The following TUT4 variants were observed in gnomAD, a reference collection of about 807,000 sequenced individuals.
The protein encoded by TUT4 is terminal uridylyltransferase 4.
TUT4 carries 36 observed loss-of-function variants against 192.2 expected under a neutral mutation model. That is an observed-to-expected ratio of 0.19 (90% CI 0.14 to 0.25). The LOEUF (loss-of-function observed/expected upper bound fraction) is 0.25, where lower values mean the gene tolerates loss of function less well. Among genes scored for constraint, TUT4 ranks in the 10% least tolerant of loss-of-function variants. TUT4 has a pLI of 1.00. For synonymous variants in TUT4, 618 were observed against 666.0 expected (o/e 0.93, Z 1.11); for missense variants, 1,493 against 1,957.2 (o/e 0.76, Z 4.47).
At chr1:52,493,449 A>G (rs1429924178) in intron 7 of TUT4, among the ~76,000 whole-genome samples, 162 bp downstream of exon 7, 1 of 151,916 alleles carries the variant, frequency 6.6e-6, no homozygotes, top group African/African-American at 2.4e-5. Flanking sequence ...ATTTTCTAGT[A>G]TATCTATAAA....
In TUT4 at chr1:52,481,933, G is replaced by C. The variant is rs904183930; in HGVS notation, c.1516-10C>G. The C allele has an allele frequency of 6.7e-6, 10 of 1,490,728 alleles. No individual in the cohort carries two copies. The South Asian group carries it at 1.2e-4, about 18-fold the overall frequency. 92.3% of individuals were successfully genotyped at this position (1,490,728 alleles called of 1,614,324 possible). ...AGTCAATATAGCACAACTGCAAAAT[G>C]AAGGGGAAAAAAGTACTACCATTTA... On this transcript the variant is annotated splice_polypyrimidine_tract_variant and intron_variant, in intron 9 of 29. Transcript: ENST00000257177.
At chr1:52,439,261 CA>C in intron 24 of TUT4, among the ~76,000 whole-genome samples, 1 of 151,622 alleles carries the variant, frequency 6.6e-6, no homozygotes, top group Non-Finnish European at 1.5e-5. Context: ...TTAACAACAA[CA>C]AAAAAAGCAA....
chr1:52,531,367 C>A (rs1326713166), intron 1 of TUT4, among the ~76,000 whole-genome samples: 1 of 151,936 alleles, frequency 6.6e-6, no homozygotes, highest in Admixed American at 6.6e-5. Context: ...GGGGGCCACA[C>A]TTAATGAACC....
chr1:52,503,361 T>A (rs997075953), intron 4 of TUT4, among the ~76,000 whole-genome samples: 7 of 152,124 alleles, frequency 4.6e-5, no homozygotes, highest in Non-Finnish European at 7.3e-5. Context: ...TGATAAGAAC[T>A]TTACTCTGCC....
chr1:52,522,077 T>C (rs1388165925), intron 2 of TUT4, among the ~76,000 whole-genome samples: 2 of 151,956 alleles, frequency 1.3e-5, no homozygotes, highest in East Asian at 3.9e-4. Flanking sequence ...TGTTTTCATA[T>C]GGGAAAAAAA....
At chr1:52,466,884 C>T (rs1317574434) in intron 15 of TUT4, among the ~76,000 whole-genome samples, 1 of 151,928 alleles carries the variant, frequency 6.6e-6, no homozygotes, top group Non-Finnish European at 1.5e-5. Flanking sequence ...CCAGACTCGT[C>T]TCGAACTCCT....
intron 2 of TUT4, among the ~76,000 whole-genome samples, chr1:52,524,394 G>A (rs1321929786): frequency 6.6e-6 from 1 of 151,988 alleles, no homozygotes; most frequent in African/African-American, 2.4e-5. Flanking sequence ...TTGGTGGCAG[G>A]CGCCTGTACT....
Position 52,435,348 on chromosome 1 carries a change from A to T in TUT4, c.4263+17T>A. 6.2e-7 allele frequency: 1 copy of T among 1,601,238 alleles called. No homozygotes were observed. The highest frequency in any genetic ancestry group is 8.6e-7 in the Non-Finnish European group (1 of 1,169,472). On this transcript the variant is annotated intron_variant, in intron 27 of 29. Coordinates refer to ENST00000257177, the MANE Select transcript of TUT4 (RefSeq NM_001009881.3). ...ATCATCAGTCAAGACTAACACATTC[A>T]CAGGCAGAGTACTTACACATTCTGA...
chr1:52,483,956 C>A (rs1669137191), intron 9 of TUT4, among the ~76,000 whole-genome samples: 1 of 152,060 alleles, frequency 6.6e-6, no homozygotes, highest in South Asian at 2.1e-4. Flanking sequence ...CCAGCCCAGA[C>A]AACATAGCAA....
In TUT4 at chr1:52,530,215, C is replaced by A. The variant is rs976738735; in HGVS notation, c.-93-3842G>T. On this transcript the variant is annotated intron_variant, in intron 1 of 29. Transcript: ENST00000257177. ...AGGAGGTTGCAGTGAGCCGAGACCA[C>A]GCCATTGCACTCCAGCCTGGGTGAC... Among the ~76,000 whole-genome samples, 4 of 144,144 alleles carry A rather than the reference C, an allele frequency of 2.8e-5. No individual in the cohort carries two copies. In the South Asian group the frequency reaches 8.7e-4, roughly 31 times the overall value. The allele number at this position is 144,144 out of a possible 152,430, so 94.6% of individuals were successfully genotyped here.
rs745531266 is a variant in TUT4 at position 52,525,946 on chromosome 1, G to A, written c.335C>T (p.Thr112Ile). The A allele has an allele frequency of 6.2e-7, 1 of 1,614,002 alleles. No homozygotes were observed. Among genetic ancestry groups the A allele is most frequent in the African/African-American group, 1.3e-5 (1 of 74,920 alleles). ...PNSPVKAEKATISQAKSEKAT... is the reference protein window; with the variant it reads ...PNSPVKAEKAIISQAKSEKAT... ...CTTTTCTGATTTTGCCTGTGAAATG[G>A]TTGCCTTTTCGGCTTTCACCGGTGA... Residue 112 changes from threonine to isoleucine, a missense_variant, in exon 2 of 30, where the codon ACC (threonine) becomes ATC (isoleucine). Thr to Ile is a moderately conservative substitution (Grantham distance 89, BLOSUM62 -1). This residue lies in a region of TUT4 where 260 missense variants were observed against 247.8 expected (regional missense o/e 1.05). Coordinates refer to ENST00000257177, the MANE Select transcript of TUT4 (RefSeq NM_001009881.3).
Position 52,423,806 on chromosome 1 carries a change from T to C in TUT4, c.*129A>G. The stretch of plus-strand genomic sequence containing the variant: ...AAATTTTAAATCAGGACCTGATTTG[T>C]TTTGCTTTCCATTAAATGTCACTTT... On this transcript the variant is annotated 3_prime_UTR_variant, in exon 30 of 30. Coordinates refer to ENST00000257177, the MANE Select transcript of TUT4 (RefSeq NM_001009881.3). 3 of 1,544,898 alleles carry C rather than the reference T, an allele frequency of 1.9e-6. No homozygotes were observed. Among genetic ancestry groups the C allele is most frequent in the Non-Finnish European group, 2.6e-6 (3 of 1,145,072 alleles).
chr1:52,550,529 G>T (rs909510961), intron 1 of TUT4, among the ~76,000 whole-genome samples: 3 of 147,176 alleles, frequency 2.0e-5, no homozygotes, highest in Admixed American at 1.4e-4. Context: ...TTAAGACAGG[G>T]TCTTACTCTG....
intron 24 of TUT4, among the ~76,000 whole-genome samples, chr1:52,444,603 T>G (rs1482461328): frequency 6.6e-6 from 1 of 150,924 alleles, no homozygotes; most frequent in East Asian, 1.9e-4. Context: ...CAAAAGAGAT[T>G]AACATTTGAG....
chr1:52,463,083 A>T (rs915883375), intron 16 of TUT4: 1 of 983,376 alleles, frequency 1.0e-6, no homozygotes, highest in Non-Finnish European at 1.2e-6. Context: ...TGCTAATCTT[A>T]AAAGTTTCAA....
chr1:52,525,459 C>T, intron 2 of TUT4, 104 bp downstream of exon 2: 1 of 1,401,978 alleles, frequency 7.1e-7, no homozygotes, highest in Admixed American at 2.8e-5. Context: ...AACAAAAGTG[C>T]TAAACAATTA....
chr1:52,454,592 G>C (rs983154709), intron 20 of TUT4, among the ~76,000 whole-genome samples: 1 of 152,078 alleles, frequency 6.6e-6, no homozygotes, highest in Non-Finnish European at 1.5e-5. Context: ...TGGCTCACAG[G>C]CCTAAATGTA....
At chr1:52,484,387 T>C (rs1419274616) in intron 9 of TUT4, among the ~76,000 whole-genome samples, 1 of 149,912 alleles carries the variant, frequency 6.7e-6, no homozygotes, top group African/African-American at 2.4e-5. Flanking sequence ...TAGATACAAA[T>C]AACACACAGT....
At chr1:52,465,242 G>C (rs1291251400) in intron 15 of TUT4, 69 bp from the exon 16 acceptor site, 11 of 1,043,660 alleles carry the variant, frequency 1.1e-5, no homozygotes, top group African/African-American at 3.2e-5. Flanking sequence ...GCTATCTGCT[G>C]ATGACCTAAT....
Sources: allele counts gnomAD v4.1 joint callset (sites outside exome capture counted in the v4.1 genomes callset), GRCh38; gene constraint gnomAD v4.1.1; regional missense constraint gnomAD v4.1.1; transcripts MANE v1.5; gene names NCBI Gene and HGNC (gene_info 2026-07-23, HGNC 2026-07-21).